RERE: variants seen among roughly 807,000 people sequenced by gnomAD.
RERE encodes arginine-glutamic acid dipeptide repeats.
Under a neutral mutation model 146.1 loss-of-function variants are expected in RERE, and 40 were observed. The observed-to-expected ratio is 0.27, with a 90% confidence interval of 0.21 to 0.36. The LOEUF (loss-of-function observed/expected upper bound fraction) is 0.36. Ranked by LOEUF, RERE falls within the 10% of genes least tolerant of loss-of-function variation. RERE has a pLI of 1.00. For synonymous variants in RERE, 1,003 were observed against 866.0 expected, an observed-to-expected ratio of 1.16 and a Z score of -2.78; for missense variants, 1,933 against 2,138.7, an observed-to-expected ratio of 0.90 and a Z score of 1.90.
At chr1:8,780,970 G>C (rs986657968) in intron 1 of RERE, among the ~76,000 whole-genome samples, 3 of 151,732 alleles carry the variant, frequency 2.0e-5, no homozygotes, top group African/African-American at 7.3e-5. Context: ...GTCTGTAATC[G>C]CAGCACTCTG....
chr1:8,566,771 C>A (rs1303590018), intron 4 of RERE, among the ~76,000 whole-genome samples: 1 of 149,636 alleles, frequency 6.7e-6, no homozygotes, highest in Non-Finnish European at 1.5e-5. Flanking sequence ...CTGGAGGGAT[C>A]TGCTCACAAC....
At chr1:8,361,724 C>G (rs768272929) in intron 17 of RERE, 39 bp downstream of exon 17, 1 of 1,539,116 alleles carries the variant, frequency 6.5e-7, no homozygotes, top group South Asian at 1.1e-5. Flanking sequence ...TCTGAAGAAG[C>G]ATTAGCTTTA....
At chr1:8,366,154 G>A (rs1411675127) in intron 12 of RERE, among the ~76,000 whole-genome samples, 180 bp from the exon 13 acceptor site, 1 of 152,238 alleles carries the variant, frequency 6.6e-6, no homozygotes, top group African/African-American at 2.4e-5. Context: ...CCACTGAGCT[G>A]CCCGTGGACT....
chr1:8,739,091 T>TA (rs1266720212), intron 1 of RERE, among the ~76,000 whole-genome samples: 5 of 152,244 alleles, frequency 3.3e-5, no homozygotes, highest in South Asian at 2.1e-4. Flanking sequence ...CAAGGGAAGA[T>TA]AAAAAATCAT....
chr1:8,621,342 T>C (rs1312794871), intron 3 of RERE, among the ~76,000 whole-genome samples: 9 of 152,180 alleles, frequency 5.9e-5, no homozygotes, highest in Admixed American at 5.2e-4. Flanking sequence ...AGCTATTTCA[T>C]GAAATGTGAC....
intron 4 of RERE, among the ~76,000 whole-genome samples, chr1:8,607,871 G>A (rs889734755): frequency 3.3e-5 from 5 of 151,518 alleles, no homozygotes; most frequent in Admixed American, 6.6e-5. Flanking sequence ...GATTACAGGC[G>A]CCCGCCACCA....
rs572901697 is a variant in RERE at position 8,515,565 on chromosome 1, C to T, written c.831-6890G>A. 3.9e-5 allele frequency among the ~76,000 whole-genome samples: 6 copies of T among 151,926 alleles called. No homozygotes were observed. In the South Asian group the frequency reaches 8.3e-4, roughly 21 times the overall value. On this transcript the variant is annotated intron_variant, in intron 7 of 22. Coordinates refer to ENST00000400908, the MANE Select transcript of RERE (RefSeq NM_001042681.2). ...AGAATTGCTTGAGTCTGGGAGGCAG[C>T]GGTTGCAGTGAGCCAAGATCATGCT...
intron 1 of RERE, among the ~76,000 whole-genome samples, chr1:8,751,777 TA>T (rs144355478): frequency 0.05 from 7,103 of 141,324 alleles, 307 homozygotes; most frequent in African/African-American, 0.13. Context: ...CCTTTCACTT[TA>T]AAAAAAAAAA....
chr1:8,724,285 G>T (rs1639916339), intron 1 of RERE, among the ~76,000 whole-genome samples: 1 of 152,002 alleles, frequency 6.6e-6, no homozygotes, highest in Non-Finnish European at 1.5e-5. Flanking sequence ...GGCAAAAATG[G>T]GTTATACATT....
chr1:8,668,924 CTG>C (rs58718828), intron 1 of RERE, among the ~76,000 whole-genome samples: 1,827 of 83,452 alleles, frequency 0.022, 61 homozygotes, highest in South Asian at 0.063. Flanking sequence ...GCACTAAACT[CTG>C]TGTGTGTGTG....
rs897297506 is a variant in RERE, at chr1:8,352,776, G to A, written c.*2311C>T. The A allele has an allele frequency of 6.6e-6, 1 of 152,436 alleles. No homozygotes were observed. Among genetic ancestry groups the A allele is most frequent in the African/African-American group, 2.4e-5 (1 of 41,458 alleles). The allele number at this position is 152,436 out of a possible 1,614,324, so 9.4% of individuals were successfully genotyped here. ...CTAAACAAACTGTAGTTTATCTGGT[G>A]AGGGTTTCGGGTCGAGGGTTTTTTA... On this transcript the variant is annotated 3_prime_UTR_variant, in exon 23 of 23. Transcript: ENST00000400908.
chr1:8,762,721 A>G (rs1161368487), intron 1 of RERE, among the ~76,000 whole-genome samples: 1 of 152,158 alleles, frequency 6.6e-6, no homozygotes, highest in Non-Finnish European at 1.5e-5. Context: ...GACCTTAATG[A>G]CCACCCTGTT....
chr1:8,672,584 C>A (rs770452452), intron 1 of RERE, among the ~76,000 whole-genome samples: 12 of 152,236 alleles, frequency 7.9e-5, no homozygotes, highest in Non-Finnish European at 1.8e-4. Context: ...CTATCTACTC[C>A]TGTGCAAACA....
At chr1:8,453,548 G>A (rs1262558611) in intron 11 of RERE, among the ~76,000 whole-genome samples, 3 of 152,224 alleles carry the variant, frequency 2.0e-5, no homozygotes, top group Admixed American at 2.0e-4. Flanking sequence ...GCTCACACCT[G>A]TAATCCCAGC....
At chr1:8,386,018 ATATATTTTTTTTTT>A (rs1309294951) in intron 12 of RERE, among the ~76,000 whole-genome samples, 24 of 41,900 alleles carry the variant, frequency 5.7e-4, no homozygotes, top group South Asian at 2.6e-3. Flanking sequence ...ATATATATAT[ATATATTTTTTTTTT>A]TTTTTTTTTT....
intron 2 of RERE, among the ~76,000 whole-genome samples, chr1:8,643,100 T>C (rs1647201939): frequency 6.6e-6 from 1 of 151,950 alleles, no homozygotes; most frequent in South Asian, 2.1e-4. Flanking sequence ...ATGCCATGGG[T>C]GTGAGTGACT....
At chr1:8,630,505 C>T (rs898183982) in intron 2 of RERE, among the ~76,000 whole-genome samples, 1 of 152,132 alleles carries the variant, frequency 6.6e-6, no homozygotes, top group Admixed American at 6.5e-5. Flanking sequence ...GGAAATAACT[C>T]GATTGCCAGG....
chr1:8,754,004 T>C (rs1031615974), intron 1 of RERE, among the ~76,000 whole-genome samples: 2 of 152,202 alleles, frequency 1.3e-5, no homozygotes, highest in African/African-American at 4.8e-5. Flanking sequence ...AACATAATCA[T>C]ATACCCCTAA....
intron 12 of RERE, among the ~76,000 whole-genome samples, chr1:8,399,757 T>A (rs1643182397): frequency 2.0e-5 from 3 of 152,162 alleles, no homozygotes. Context: ...TCTCTCCATT[T>A]ATCTACGTCT....
Sources: gnomAD v4.1 joint callset for allele counts (sites outside exome capture counted in the v4.1 genomes callset) on GRCh38, gnomAD v4.1.1 for gene constraint, MANE v1.5 for transcripts, NCBI Gene and HGNC (gene_info 2026-07-23, HGNC 2026-07-21) for gene names.